The following AFDN variants were observed in gnomAD, a reference collection of about 807,000 sequenced individuals.
AFDN encodes the protein afadin.
In AFDN, 68 loss-of-function variants were observed where a neutral mutation model predicts 216.6. That is an observed-to-expected ratio of 0.31 (90% CI 0.26 to 0.38). The LOEUF (loss-of-function observed/expected upper bound fraction) is 0.38. Among genes scored for constraint, AFDN ranks in the 10% least tolerant of loss-of-function variants. AFDN has a pLI of 1.00. For synonymous variants in AFDN, 868 were observed against 853.7 expected (o/e 1.02, Z -0.29); for missense variants, 2,136 against 2,342.0 (o/e 0.91, Z 1.82).
At chr6:167,863,744 A>G (rs754828254) in intron 1 of AFDN, 1 of 518,260 alleles carries the variant, frequency 1.9e-6, no homozygotes, top group East Asian at 5.4e-5. Context: ...ATTGCAGTAG[A>G]TGATACCTGT....
intron 31 of AFDN, chr6:167,964,741 C>T (rs1197594327): frequency 9.4e-7 from 1 of 1,065,376 alleles, no homozygotes; most frequent in Non-Finnish European, 1.1e-6. Context: ...TGCCAGCAAG[C>T]TCTCTAAAAT....
chr6:167,883,594 G>T (rs1279748021), intron 6 of AFDN, among the ~76,000 whole-genome samples: 3 of 152,296 alleles, frequency 2.0e-5, no homozygotes, highest in Admixed American at 6.5e-5. Context: ...GGAGTGTTTT[G>T]GTTTCCCAAT....
intron 9 of AFDN, among the ~76,000 whole-genome samples, chr6:167,894,706 A>G (rs1008122256): frequency 1.3e-5 from 2 of 152,264 alleles, no homozygotes; most frequent in African/African-American, 4.8e-5. Flanking sequence ...ACAAATTTCT[A>G]TTACCATGGT....
At chr6:167,844,849 C>CTTTTTTTTTTTTT (rs67495555) in intron 1 of AFDN, among the ~76,000 whole-genome samples, 40 of 127,680 alleles carry the variant, frequency 3.1e-4, no homozygotes, top group African/African-American at 5.7e-4. Flanking sequence ...CTTTTCTTTT[C>CTTTTTTTTTTTTT]TTTTTTTTTT....
intron 1 of AFDN, among the ~76,000 whole-genome samples, chr6:167,856,695 C>G (rs1043645735): frequency 2.6e-5 from 4 of 152,110 alleles, no homozygotes; most frequent in African/African-American, 9.6e-5. Flanking sequence ...AATTCTCCAC[C>G]GTAACATGGA....
intron 1 of AFDN, among the ~76,000 whole-genome samples, chr6:167,859,078 T>G (rs1032498010): frequency 5.3e-5 from 8 of 151,196 alleles, no homozygotes; most frequent in Non-Finnish European, 7.4e-5. Flanking sequence ...CTTGTTTTTT[T>G]TTTTTTTTTT....
At chr6:167,866,340 T>C (rs1305186437) in intron 2 of AFDN, among the ~76,000 whole-genome samples, 2 of 152,214 alleles carry the variant, frequency 1.3e-5, no homozygotes, top group East Asian at 1.9e-4. Flanking sequence ...TGGTTTTTTT[T>C]CACCAGTGCC....
At chr6:167,871,444 T>C (rs1349392933) in intron 3 of AFDN, among the ~76,000 whole-genome samples, 1 of 152,226 alleles carries the variant, frequency 6.6e-6, no homozygotes, top group Non-Finnish European at 1.5e-5. Flanking sequence ...AGTGCAGTGC[T>C]CCAAGTATCT....
In AFDN at chr6:167,962,542, G is replaced by A. The variant is rs199611144; in HGVS notation, c.4943G>A (p.Arg1648Gln). ...GAGCGCCGGCGGCAGGAGGAGGAGC[G>A]AACAAAACGAGACGCTGAAGAAAAG... The part of the protein sequence containing the change: ...EEERRRQEEE[R>Q]TKRDAEEKRR... The change falls in exon 31 of 34, where the codon CGA (arginine) becomes CAA (glutamine). Residue 1648 changes from arginine (R) to glutamine (Q), a missense_variant. Around this residue, in one of 8 missense-constraint regions of AFDN, gnomAD observed 981 missense variants for 966.0 expected, o/e 1.02. Coordinates refer to ENST00000683244, the MANE Select transcript of AFDN (RefSeq NM_001386888.1). This position sits in a 1 kb window ranked among gnomAD's most constrained non-coding sequence, Gnocchi z 5.2. 11 of 1,613,912 alleles carry A rather than the reference G, an allele frequency of 6.8e-6. No homozygotes were observed. Among genetic ancestry groups the A allele is most frequent in the African/African-American group, 1.3e-5 (1 of 75,010 alleles).
At position 167,870,392 on chromosome 6, in the gene AFDN, G is replaced by T; in HGVS notation, c.308G>T (p.Arg103Ile). ...LYEVHVSGER[R>I]LDIDEKPLVV... ...ATTTCATGTTTTGAAGAAGAAAGAA[G>T]ATTGGATATAGATGAGAAACCTCTA... Residue 103 changes from arginine to isoleucine, a missense_variant, in exon 3 of 34, where the codon AGA becomes ATA. Transcript: ENST00000683244. The T allele has an allele frequency of 6.3e-7, 1 of 1,588,224 alleles. No homozygotes were observed.
At chr6:167,954,589 C>T in intron 30 of AFDN, 1 of 1,091,064 alleles carries the variant, frequency 9.2e-7, no homozygotes, top group African/African-American at 1.6e-5. Context: ...AGATCCAGTT[C>T]TCCTTAGGGG....
intron 23 of AFDN, among the ~76,000 whole-genome samples, chr6:167,925,899 A>G (rs990499445): frequency 2.6e-5 from 4 of 152,194 alleles, no homozygotes; most frequent in Admixed American, 6.5e-5. Flanking sequence ...GTTTCAGTCA[A>G]CTTTGCTGAT....
At chr6:167,967,348 C>T (rs1039179690) in intron 32 of AFDN, among the ~76,000 whole-genome samples, 13 of 152,034 alleles carry the variant, frequency 8.6e-5, no homozygotes, top group Admixed American at 2.6e-4. Flanking sequence ...TGTCTTTCCC[C>T]GCCCCCCTGG....
rs148776929 is a variant in AFDN at position 167,842,063 on chromosome 6, A to G, written c.105+14826A>G. ...TTTTGTCTCATCATTCATTAAACAA[A>G]CATTTCTACTCCAACTTACTGCAGG... On this transcript the variant is annotated intron_variant, in intron 1 of 33. Transcript: ENST00000683244. 8.9e-3 allele frequency among the ~76,000 whole-genome samples: 1,359 copies of G among 152,234 alleles called. 23 individuals are homozygous for G. The highest frequency in any genetic ancestry group is 0.032 in the African/African-American group (1,311 of 41,536).
intron 27 of AFDN, 106 bp from the exon 28 acceptor site, chr6:167,947,747 C>A: frequency 1.5e-6 from 1 of 649,710 alleles, no homozygotes; most frequent in South Asian, 2.1e-5. Flanking sequence ...GTGCTGGATA[C>A]TCACTAGCAG....
intron 1 of AFDN, among the ~76,000 whole-genome samples, chr6:167,848,951 A>AT (rs1781995798): frequency 6.6e-6 from 1 of 152,040 alleles, no homozygotes; most frequent in South Asian, 2.1e-4. Context: ...TTCCACCCTT[A>AT]TTTTTATACA....
chr6:167,889,498 A>G (rs754228295), intron 7 of AFDN, among the ~76,000 whole-genome samples, 172 bp downstream of exon 7: 2 of 152,196 alleles, frequency 1.3e-5, no homozygotes, highest in Non-Finnish European at 2.9e-5. Context: ...CAGTGGCGCA[A>G]TCTTGGCTCA....
intron 1 of AFDN, among the ~76,000 whole-genome samples, chr6:167,842,172 C>A (rs1209173351): frequency 1.3e-5 from 2 of 152,096 alleles, no homozygotes; most frequent in Non-Finnish European, 2.9e-5. Flanking sequence ...CTAGAACTGC[C>A]TTTCTTGATA....
rs372149883 is a variant in AFDN, at chr6:167,947,886, A to G, written c.3587A>G (p.Tyr1196Cys). ...QPPSPGGKSA[Y>C]ASGTTAKITS... ...CCTAGTCCTGGAGGGAAAAGTGCAT[A>G]TGCCTCTGGAACAACAGCGAAGATA... is the stretch of plus-strand genomic sequence containing the variant. The change falls in exon 28 of 34, where the codon TAT (tyrosine) becomes TGT (cysteine). Residue 1196 changes from tyrosine to cysteine, a missense_variant. Tyr to Cys is a radical substitution (Grantham distance 194). Transcript: ENST00000683244. 6 of 1,613,814 alleles carry G rather than the reference A, an allele frequency of 3.7e-6. No homozygotes were observed. The highest frequency in any genetic ancestry group is 1.3e-5 in the African/African-American group (1 of 74,878).
Sources: gnomAD v4.1 joint callset for allele counts (sites outside exome capture counted in the v4.1 genomes callset) on GRCh38, gnomAD v4.1.1 for gene constraint, gnomAD v4.1.1 regional missense constraint, Gnocchi (gnomAD v3.1) non-coding constraint, MANE v1.5 for transcripts, NCBI Gene and HGNC (gene_info 2026-07-23, HGNC 2026-07-21) for gene names.